The following RNF123 variants were observed in gnomAD, a reference collection of about 807,000 sequenced individuals.
RNF123 encodes the protein E3 ubiquitin-protein ligase RNF123.
RNF123 carries 86 observed loss-of-function variants against 168.5 expected under a neutral mutation model. The observed-to-expected ratio is 0.51, with a 90% CI of 0.43 to 0.61. The LOEUF (loss-of-function observed/expected upper bound fraction) is 0.61. Ranked by LOEUF, RNF123 falls within the 20% of genes least tolerant of loss-of-function variation. The pLI, the probability that RNF123 is intolerant of heterozygous loss-of-function variation, is 0.00. For missense variants in RNF123, 1,419 were observed against 1,729.7 expected (o/e 0.82, Z 3.19); for synonymous variants, 666 against 689.1 (o/e 0.97, Z 0.52).
In RNF123 at chr3:49,701,823, A is replaced by G; in HGVS notation, c.1408A>G (p.Thr470Ala). The change falls in exon 17 of 39, where the codon ACG (threonine) becomes GCG (alanine). Residue 470 changes from threonine (T) to alanine (A), a missense_variant. Coordinates refer to ENST00000327697, the MANE Select transcript of RNF123 (RefSeq NM_022064.5). ...TACCCCTGCCTAGGGCAAAGAGAGC[A>G]CGGAGATGAAGGAGGAGACCGCAGA... is the stretch of plus-strand genomic sequence containing the variant. ...HCSSREGKESTEMKEETAEER... is the reference protein window; with the variant it reads ...HCSSREGKESAEMKEETAEER... 1 of 1,572,500 alleles carries G rather than the reference A, an allele frequency of 6.4e-7. No homozygotes were observed. The highest frequency in any genetic ancestry group is 2.3e-5 in the East Asian group (1 of 43,544).
chr3:49,700,973 CG>C (rs2054371236), intron 15 of RNF123, among the ~76,000 whole-genome samples: 1 of 152,264 alleles, frequency 6.6e-6, no homozygotes, highest in South Asian at 2.1e-4. Flanking sequence ...CTGCCCTCTT[CG>C]GCCACAGCCC....
Position 49,706,018 on chromosome 3 carries a change from A to G in RNF123, c.2341A>G (p.Met781Val), listed in dbSNP as rs572797367. ...GVSDDVNEYA[M>V]ALRDTEDKLR... Reference sequence around the variant, plus strand: ...CTCCGATGATGTCAATGAATACGCTATGGCTCTGAGGGACACAGAGGACAA... The same window carrying G: ...CTCCGATGATGTCAATGAATACGCTGTGGCTCTGAGGGACACAGAGGACAA... Residue 781 changes from methionine (M) to valine (V), a missense_variant, in exon 25 of 39, where the codon ATG becomes GTG. Around this residue, in one of 5 missense-constraint regions of RNF123, gnomAD observed 538 missense variants for 708.8 expected, o/e 0.76. Transcript: ENST00000327697. 1.1e-5 allele frequency: 18 copies of G among 1,614,100 alleles called. No homozygotes were observed. The highest frequency in any genetic ancestry group is 9.9e-5 in the South Asian group (9 of 91,088).
At position 49,704,301 on chromosome 3, in the gene RNF123, G is replaced by A. The variant is rs566425631; in HGVS notation, c.1853-349G>A. Among the ~76,000 whole-genome samples, 289 of 152,314 alleles carry A rather than the reference G, an allele frequency of 1.9e-3. 2 individuals carry two copies. Among genetic ancestry groups the A allele is most frequent in the African/African-American group, 6.6e-3 (274 of 41,568 alleles). On this transcript the variant is annotated intron_variant, in intron 21 of 38. Coordinates refer to ENST00000327697, the MANE Select transcript of RNF123 (RefSeq NM_022064.5). ...GTTTATGGAGTAGTCAGAGAGTGGG[G>A]GAGGCCCTGGAGAGCAGGAAGTCCT...
intron 26 of RNF123, among the ~76,000 whole-genome samples, chr3:49,711,186 A>G (rs2080138404): frequency 6.6e-6 from 1 of 152,212 alleles, no homozygotes; most frequent in African/African-American, 2.4e-5. Flanking sequence ...AAATACAAAA[A>G]TTAGCAGGGC....
chr3:49,718,813 T>C, intron 35 of RNF123: 1 of 1,613,304 alleles, frequency 6.2e-7, no homozygotes, highest in Non-Finnish European at 8.5e-7. Flanking sequence ...CAAAGGGTTG[T>C]TGTGCAAGTA....
At chr3:49,719,821 A>G (rs998504019) in intron 35 of RNF123, 6 of 244,994 alleles carry the variant, frequency 2.4e-5, no homozygotes, top group Non-Finnish European at 4.2e-5. Flanking sequence ...GATGGGGAGC[A>G]AGGCCAACCC....
At chr3:49,705,384 C>T (rs1329841418) in intron 23 of RNF123, 150 bp from the exon 24 acceptor site, 9 of 1,275,672 alleles carry the variant, frequency 7.1e-6, no homozygotes, top group Non-Finnish European at 9.6e-6. Context: ...TTGCCCTGCA[C>T]TCCACCCCTA....
At chr3:49,719,798 C>T (rs2108206916) in intron 35 of RNF123, 2 of 270,816 alleles carry the variant, frequency 7.4e-6, no homozygotes, top group South Asian at 1.1e-4. Flanking sequence ...CCAATGGCCC[C>T]GCATGACCGC....
chr3:49,699,655 C>A lies in RNF123; in HGVS notation c.880-13C>A. On this transcript the variant is annotated splice_polypyrimidine_tract_variant and intron_variant, in intron 11 of 38. Coordinates refer to ENST00000327697, the MANE Select transcript of RNF123 (RefSeq NM_022064.5). The surrounding 1 kb of genome is among the most constrained non-coding windows in gnomAD (Gnocchi z 4.8). ...CTGCCCCTCACACTTCTCCCTCCTC[C>A]CCCTCCACACAGGAGGGGCGGCTGT... The A allele has an allele frequency of 6.2e-7, 1 of 1,613,404 alleles. No individual in the cohort carries two copies. The highest frequency in any genetic ancestry group is 1.1e-5 in the South Asian group (1 of 91,066).
intron 1 of RNF123, chr3:49,689,899 C>A (rs551369129): frequency 1.8e-4 from 28 of 152,322 alleles, no homozygotes; most frequent in African/African-American, 5.8e-4. Flanking sequence ...CGGGCGGGGA[C>A]AAGGTCCGCC....
At chr3:49,693,482 G>A (rs879646994) in intron 3 of RNF123, among the ~76,000 whole-genome samples, 14 of 147,190 alleles carry the variant, frequency 9.5e-5, no homozygotes, top group African/African-American at 2.8e-4. Context: ...TCAGCCTCCC[G>A]AGTAGCTGGG....
intron 19 of RNF123, 71 bp downstream of exon 19, chr3:49,702,476 G>A: frequency 6.2e-7 from 1 of 1,600,076 alleles, no homozygotes; most frequent in Non-Finnish European, 8.6e-7. Context: ...TCAGCACCTG[G>A]CACTTCTCGG....
chr3:49,719,733 C>G (rs928032105), intron 35 of RNF123: 9 of 413,502 alleles, frequency 2.2e-5, no homozygotes, highest in Non-Finnish European at 4.0e-5. Flanking sequence ...GGGGCGGGGC[C>G]CGGGCTCCTA....
Position 49,702,803 on chromosome 3 carries a change from T to G in RNF123, c.1750+50T>G, listed in dbSNP as rs750771255. The G allele has an allele frequency of 5.0e-6, 8 of 1,612,296 alleles. No homozygotes were observed. The South Asian group carries it at 8.8e-5, about 18-fold the overall frequency. On this transcript the variant is annotated intron_variant, in intron 20 of 38. Coordinates refer to ENST00000327697, the MANE Select transcript of RNF123 (RefSeq NM_022064.5). Reference sequence around the variant, plus strand: ...CAGTGAGGCTGGACAGAGCCAGGCGTAGGGCAGCCCCTAATGTTAGTGCAG... The same window carrying G: ...CAGTGAGGCTGGACAGAGCCAGGCGGAGGGCAGCCCCTAATGTTAGTGCAG...
chr3:49,712,591 C>A lies in RNF123; in HGVS notation c.2609C>A (p.Ala870Asp). The A allele has an allele frequency of 6.2e-7, 1 of 1,614,192 alleles. No individual in the cohort carries two copies. Among genetic ancestry groups the A allele is most frequent in the South Asian group, 1.1e-5 (1 of 91,078 alleles). ...AFMPEFYLSV[A>D]INSYSALKNY... ...ATGCCCGAGTTCTACCTGAGCGTGG[C>A]CATCAACAGCTACAGTGCTCTCAAG... Residue 870 changes from alanine (A) to aspartate (D), a missense_variant, in exon 27 of 39, where the codon GCC (alanine) becomes GAC (aspartate). By Grantham distance (126) the Ala-to-Asp change is moderately radical (BLOSUM62 -2). This residue lies in a region of RNF123 where 538 missense variants were observed against 708.8 expected (regional missense o/e 0.76). Transcript: ENST00000327697.
At chr3:49,721,158 C>A in intron 38 of RNF123, 27 bp from the exon 39 acceptor site, 1 of 1,614,124 alleles carries the variant, frequency 6.2e-7, no homozygotes, top group Non-Finnish European at 8.5e-7. Flanking sequence ...ACATGCAGGG[C>A]AGTCCTCATC....
At chr3:49,703,383 T>A (rs1553687268) in intron 20 of RNF123, 44 bp from the exon 21 acceptor site, 1 of 1,527,992 alleles carries the variant, frequency 6.5e-7, no homozygotes, top group Admixed American at 1.7e-5. Context: ...AGGGTCTTCC[T>A]ACTGGGCCGT....
In RNF123 at chr3:49,697,243, T is replaced by C. The variant is rs1279006793; in HGVS notation, c.247+21T>C. ...CCAGGGTATGTGGCCACCTCTGGAG[T>C]GGGGTTGGGAGGTGCAGAGCTGGGA... On this transcript the variant is annotated intron_variant, in intron 4 of 38. Transcript: ENST00000327697. 2.5e-6 allele frequency: 4 copies of C among 1,610,196 alleles called. No homozygotes were observed. In the African/African-American group the frequency reaches 5.4e-5, roughly 22 times the overall value.
At chr3:49,710,471 G>T (rs2080123113) in intron 26 of RNF123, among the ~76,000 whole-genome samples, 1 of 151,914 alleles carries the variant, frequency 6.6e-6, no homozygotes, top group African/African-American at 2.4e-5. Flanking sequence ...GTAGAGATGG[G>T]GTTTCACCTT....
Sources: gnomAD v4.1 joint callset for allele counts (sites outside exome capture counted in the v4.1 genomes callset) on GRCh38, gnomAD v4.1.1 for gene constraint, gnomAD v4.1.1 regional missense constraint, Gnocchi (gnomAD v3.1) non-coding constraint, MANE v1.5 for transcripts, NCBI Gene and HGNC (gene_info 2026-07-23, HGNC 2026-07-21) for gene names.